The following OPCML variants were observed in gnomAD, a reference collection of about 807,000 sequenced individuals.
The protein encoded by OPCML is opioid binding protein/cell adhesion molecule like.
A neutral mutation model predicts 37.8 loss-of-function variants in OPCML; 13 were observed. The ratio of observed to expected loss-of-function variants is 0.34; its 90% CI spans 0.22 to 0.55. The LOEUF is 0.55. Among genes scored for constraint, OPCML ranks in the 20% least tolerant of loss-of-function variants. The pLI, the probability that OPCML is intolerant of heterozygous loss-of-function variation, is 0.91. For missense variants in OPCML, 341 were observed against 435.6 expected (o/e 0.78, Z 1.93); for synonymous variants, 176 against 168.8 (o/e 1.04, Z -0.33).
intron 1 of OPCML, among the ~76,000 whole-genome samples, chr11:133,257,874 A>T (rs768405986): frequency 6.8e-6 from 1 of 147,364 alleles, no homozygotes; most frequent in Non-Finnish European, 1.5e-5. Flanking sequence ...ACTTTCCTCC[A>T]GGAGATCAAC....
Position 132,954,938 on chromosome 11 carries a change from C to T in OPCML, c.62-11928G>A, listed in dbSNP as rs372287905. ...TTAAGAAGAAAAGAGTGGCTAGCGGCATCCACTACGAGAGACTTCAGGCTA... is the reference window on the plus strand; with the variant it reads ...TTAAGAAGAAAAGAGTGGCTAGCGGTATCCACTACGAGAGACTTCAGGCTA... On this transcript the variant is annotated intron_variant, in intron 1 of 7. Transcript: ENST00000524381. Among the ~76,000 whole-genome samples, 3 of 152,144 alleles carry T rather than the reference C, an allele frequency of 2.0e-5. 1 individual carries two copies. The highest frequency in any genetic ancestry group is 1.9e-4 in the East Asian group (1 of 5,196).
At chr11:133,139,857 C>CT (rs1949741481) in intron 1 of OPCML, among the ~76,000 whole-genome samples, 1 of 152,120 alleles carries the variant, frequency 6.6e-6, no homozygotes, top group South Asian at 2.1e-4. Context: ...CCTGAGGTGA[C>CT]TAGGGAGTCT....
chr11:132,811,380 T>C (rs1424959809), intron 2 of OPCML, among the ~76,000 whole-genome samples: 1 of 152,130 alleles, frequency 6.6e-6, no homozygotes, highest in Non-Finnish European at 1.5e-5. Flanking sequence ...AGAAGGGAGT[T>C]AACAATATAA....
At chr11:133,503,980 C>T (rs112435692) in intron 1 of OPCML, among the ~76,000 whole-genome samples, 190 of 152,252 alleles carry the variant, frequency 1.2e-3, no homozygotes, top group African/African-American at 4.5e-3. Flanking sequence ...CAAGAGAGCT[C>T]CAGATTCAGA....
At chr11:133,463,492 C>G (rs1013921259) in intron 1 of OPCML, among the ~76,000 whole-genome samples, 4 of 152,154 alleles carry the variant, frequency 2.6e-5, no homozygotes, top group Non-Finnish European at 2.9e-5. Flanking sequence ...CAGTGCCCTC[C>G]TGAAAGGATA....
chr11:133,004,931 C>A, intron 1 of OPCML: 3 of 985,364 alleles, frequency 3.0e-6, no homozygotes, highest in Non-Finnish European at 3.6e-6. Context: ...CATTGCCTGC[C>A]CCTTCCCTCC....
chr11:133,125,434 C>G (rs930024121), intron 1 of OPCML, among the ~76,000 whole-genome samples: 3 of 151,762 alleles, frequency 2.0e-5, no homozygotes, highest in African/African-American at 7.3e-5. Flanking sequence ...GTTTTACATA[C>G]AGAATCACTA....
intron 3 of OPCML, among the ~76,000 whole-genome samples, chr11:132,618,845 C>G (rs1049193016): frequency 7.2e-5 from 11 of 152,056 alleles, no homozygotes. Context: ...ATTCATTCCT[C>G]CCCCACTCCT....
chr11:133,516,551 T>A (rs2120663965), intron 1 of OPCML, among the ~76,000 whole-genome samples: 1 of 151,946 alleles, frequency 6.6e-6, no homozygotes, highest in East Asian at 1.9e-4. Context: ...CATGAATGAG[T>A]TTTAATAATA....
chr11:133,120,174 A>G (rs1362812914), intron 1 of OPCML, among the ~76,000 whole-genome samples: 10 of 152,196 alleles, frequency 6.6e-5, no homozygotes, highest in Admixed American at 6.5e-4. Context: ...TGGCATATAT[A>G]CATGTATATG....
At chr11:132,882,153 A>G (rs1943246225) in intron 2 of OPCML, among the ~76,000 whole-genome samples, 1 of 152,214 alleles carries the variant, frequency 6.6e-6, no homozygotes, top group South Asian at 2.1e-4. Context: ...GAAACAACCA[A>G]TGATATCCAG....
At chr11:133,165,166 G>A (rs890108152) in intron 1 of OPCML, among the ~76,000 whole-genome samples, 1 of 152,228 alleles carries the variant, frequency 6.6e-6, no homozygotes, top group Admixed American at 6.5e-5. Context: ...CCGCGCAGCC[G>A]CATGGCCTCA....
chr11:132,570,183 T>C (rs893175856), intron 3 of OPCML, among the ~76,000 whole-genome samples: 7 of 152,334 alleles, frequency 4.6e-5, no homozygotes, highest in African/African-American at 1.7e-4. Flanking sequence ...TAAATAAAGT[T>C]TCACTGAAAT....
chr11:133,114,612 G>C (rs1748133738), intron 1 of OPCML, among the ~76,000 whole-genome samples: 2 of 152,016 alleles, frequency 1.3e-5, no homozygotes, highest in South Asian at 4.2e-4. Context: ...TAAAATACAT[G>C]GCCTAACTGC....
chr11:133,460,073 G>C (rs986407240), intron 1 of OPCML, among the ~76,000 whole-genome samples: 5 of 151,964 alleles, frequency 3.3e-5, no homozygotes, highest in Admixed American at 1.3e-4. Context: ...AGGAAAACTG[G>C]AAAACACACA....
At chr11:132,887,125 A>G (rs1282218716) in intron 2 of OPCML, among the ~76,000 whole-genome samples, 1 of 152,198 alleles carries the variant, frequency 6.6e-6, no homozygotes. Context: ...CAGACCACAA[A>G]TACAATGGTG....
intron 4 of OPCML, among the ~76,000 whole-genome samples, chr11:132,475,120 G>A (rs2096150983): frequency 6.6e-6 from 1 of 152,170 alleles, no homozygotes; most frequent in Non-Finnish European, 1.5e-5. Flanking sequence ...CTGGAGAGAA[G>A]CAAAGGTTGG....
At chr11:133,278,132 C>T (rs1231102648) in intron 1 of OPCML, among the ~76,000 whole-genome samples, 3 of 152,120 alleles carry the variant, frequency 2.0e-5, no homozygotes, top group African/African-American at 7.2e-5. Context: ...TCCACCATGA[C>T]GGGCTCTTTT....
At chr11:132,856,149 T>C (rs1942046095) in intron 2 of OPCML, among the ~76,000 whole-genome samples, 1 of 152,216 alleles carries the variant, frequency 6.6e-6, no homozygotes, top group African/African-American at 2.4e-5. Flanking sequence ...GCTTTATAAA[T>C]AATGTTATTA....
Sources: gnomAD v4.1 joint callset for allele counts (sites outside exome capture counted in the v4.1 genomes callset) on GRCh38, gnomAD v4.1.1 for gene constraint, MANE v1.5 for transcripts, NCBI Gene and HGNC (gene_info 2026-07-23, HGNC 2026-07-21) for gene names.